DNAH9: variants seen among roughly 807,000 people sequenced by gnomAD.
DNAH9 encodes DNAH9 variant protein.
A neutral mutation model predicts 471.6 loss-of-function variants in DNAH9; 345 were observed. The observed-to-expected ratio is 0.73, with a 90% CI of 0.67 to 0.80. The LOEUF (loss-of-function observed/expected upper bound fraction) is 0.80. DNAH9 is among the 30% of genes least tolerant of loss of function. The pLI, the probability that DNAH9 is intolerant of heterozygous loss-of-function variation, is 0.00. For synonymous variants in DNAH9, 2,093 were observed against 2,123.6 expected, an observed-to-expected ratio of 0.99 and a Z score of 0.40; for missense variants, 5,407 against 5,609.2, an observed-to-expected ratio of 0.96 and a Z score of 1.15.
chr17:11,778,329 C>CAAAAAAAAAAAAAAAAAAAAAAA (rs57983162), intron 38 of DNAH9, among the ~76,000 whole-genome samples: 1 of 48,638 alleles, frequency 2.1e-5, no homozygotes, highest in Non-Finnish European at 4.6e-5. Context: ...GACTCCATCT[C>CAAAAAAAAAAAAAAAAAAAAAAA]AAAAAAAAAA....
chr17:11,769,352 G>C, intron 38 of DNAH9, 23 bp downstream of exon 38: 1 of 1,588,550 alleles, frequency 6.3e-7, no homozygotes, highest in Non-Finnish European at 8.6e-7. Flanking sequence ...GGGCACCTGG[G>C]GTGGGGGGCA....
intron 60 of DNAH9, 152 bp downstream of exon 60, chr17:11,903,064 GGC>G (rs1383683636): frequency 6.0e-6 from 5 of 839,884 alleles, no homozygotes; most frequent in Non-Finnish European, 8.9e-6. Flanking sequence ...AAACAGGCCA[GGC>G]GCGGTGGCTC....
chr17:11,779,457 C>CT (rs1287577418), intron 38 of DNAH9, among the ~76,000 whole-genome samples: 1 of 152,134 alleles, frequency 6.6e-6, no homozygotes, highest in Non-Finnish European at 1.5e-5. Context: ...CTGGTGGACC[C>CT]TTTCTTTCTC....
chr17:11,880,158 T>A lies in DNAH9; in HGVS notation c.10559T>A (p.Val3520Asp). ...AATCTAGAGGAGTCCATTGATCCTGTTCTGGGACCCCTGCTTGGGAGAGAA... is the reference window on the plus strand; with the variant it reads ...AATCTAGAGGAGTCCATTGATCCTGATCTGGGACCCCTGCTTGGGAGAGAA... ...IENLEESIDP[V>D]LGPLLGREVI... The change falls in exon 54 of 69, where the codon GTT (valine) becomes GAT (aspartate). Residue 3520 changes from valine to aspartate, a missense_variant. Coordinates refer to ENST00000262442, the MANE Select transcript of DNAH9 (RefSeq NM_001372.4). The A allele has an allele frequency of 6.2e-7, 1 of 1,613,946 alleles. No individual in the cohort carries two copies. The highest frequency in any genetic ancestry group is 8.5e-7 in the Non-Finnish European group (1 of 1,179,902).
intron 67 of DNAH9, among the ~76,000 whole-genome samples, chr17:11,953,211 C>A (rs1458251291): frequency 6.6e-6 from 1 of 152,116 alleles, no homozygotes; most frequent in Non-Finnish European, 1.5e-5. Context: ...TCTCACCTGT[C>A]CACCCTGCAG....
chr17:11,858,744 A>T (rs1231725922), intron 50 of DNAH9, among the ~76,000 whole-genome samples: 1 of 152,226 alleles, frequency 6.6e-6, no homozygotes, highest in Non-Finnish European at 1.5e-5. Context: ...ATATAGTTAC[A>T]GTAACCAGTT....
chr17:11,814,140 A>C (rs796090131), intron 45 of DNAH9, among the ~76,000 whole-genome samples: 18 of 152,252 alleles, frequency 1.2e-4, no homozygotes, highest in African/African-American at 4.1e-4. Context: ...TGATCATCAA[A>C]CCCAGGCATT....
intron 36 of DNAH9, among the ~76,000 whole-genome samples, chr17:11,764,838 CAT>C (rs1967863999): frequency 6.6e-6 from 1 of 152,120 alleles, no homozygotes; most frequent in African/African-American, 2.4e-5. Flanking sequence ...TAGGTTTATG[CAT>C]AGATTGTGGC....
chr17:11,834,723 T>C lies in DNAH9; in HGVS notation c.9332T>C (p.Val3111Ala), dbSNP rs979965132. ...NEDADKLIQV[V>A]GVETDKVSRE... is the part of the protein sequence containing the mutation. The stretch of plus-strand genomic sequence containing the variant: ...GATGCAGACAAACTGATTCAGGTCG[T>C]GGGTGTGGAGACTGACAAAGTGAGC... The change falls in exon 49 of 69, where the codon GTG becomes GCG. Residue 3111 changes from valine (V) to alanine (A), a missense_variant. Coordinates refer to ENST00000262442, the MANE Select transcript of DNAH9 (RefSeq NM_001372.4). 1 of 1,613,952 alleles carries C rather than the reference T, an allele frequency of 6.2e-7. No homozygotes were observed. Among genetic ancestry groups the C allele is most frequent in the Non-Finnish European group, 8.5e-7 (1 of 1,180,004 alleles).
At chr17:11,638,980 G>A (rs1399779843) in intron 9 of DNAH9, among the ~76,000 whole-genome samples, 1 of 152,184 alleles carries the variant, frequency 6.6e-6, no homozygotes, top group Non-Finnish European at 1.5e-5. Flanking sequence ...GCAACAGGAC[G>A]TTAAATCCTC....
chr17:11,838,932 A>G (rs996507597), intron 49 of DNAH9, among the ~76,000 whole-genome samples: 1 of 152,156 alleles, frequency 6.6e-6, no homozygotes, highest in African/African-American at 2.4e-5. Context: ...GTTAGCAATA[A>G]ATCTTTAGCT....
At chr17:11,714,017 A>T (rs557634674) in intron 26 of DNAH9, among the ~76,000 whole-genome samples, 118 of 152,230 alleles carry the variant, frequency 7.8e-4, no homozygotes, top group Non-Finnish European at 1.5e-3. Flanking sequence ...GCACTGGATG[A>T]TGAAGAATCT....
chr17:11,750,019 T>G (rs990181786), intron 32 of DNAH9, among the ~76,000 whole-genome samples: 1 of 152,188 alleles, frequency 6.6e-6, no homozygotes, highest in Non-Finnish European at 1.5e-5. Flanking sequence ...AAGTCTGAAT[T>G]CTAGTTAAAA....
intron 67 of DNAH9, among the ~76,000 whole-genome samples, chr17:11,949,371 G>C (rs1200353173): frequency 1.3e-5 from 2 of 152,198 alleles, no homozygotes; most frequent in African/African-American, 4.8e-5. Flanking sequence ...CTCTTGACCT[G>C]TGAGCAAGTG....
Position 11,679,868 on chromosome 17 carries a change from T to C in DNAH9, c.3465T>C (p.Val1155=). ...LVEIMGHLMA[V]KERQSNTDEM... ...AGATCATGGGACACCTTATGGCTGT[T>C]AAAGAACGGCAGAGTAACACTGATG... The change falls in exon 18 of 69, where the codon GTT becomes GTC. Residue 1155 remains valine (V), a synonymous_variant. Coordinates refer to ENST00000262442, the MANE Select transcript of DNAH9 (RefSeq NM_001372.4). The C allele has an allele frequency of 6.2e-7, 1 of 1,614,104 alleles. No individual in the cohort carries two copies. The highest frequency in any genetic ancestry group is 8.5e-7 in the Non-Finnish European group (1 of 1,179,982).
chr17:11,765,737 A>G (rs2150872582), intron 36 of DNAH9, among the ~76,000 whole-genome samples: 1 of 152,236 alleles, frequency 6.6e-6, no homozygotes. Context: ...ACAGCTTTAC[A>G]TTTCCCCTTT....
chr17:11,902,643 C>A, intron 59 of DNAH9, 76 bp from the exon 60 acceptor site: 7 of 1,307,880 alleles, frequency 5.4e-6, no homozygotes, highest in Non-Finnish European at 7.5e-6. Context: ...GACCATCTGG[C>A]CCCTCAATCC....
chr17:11,772,903 A>C (rs74465418), intron 38 of DNAH9, among the ~76,000 whole-genome samples: 2,624 of 152,342 alleles, frequency 0.017, 80 homozygotes, highest in African/African-American at 0.06. Flanking sequence ...AAAATGCTGT[A>C]TTCCCTTATG....
In DNAH9 at chr17:11,705,138, G is replaced by A. The variant is rs144520839; in HGVS notation, c.5505G>A (p.Glu1835=). 4 of 1,614,006 alleles carry A rather than the reference G, an allele frequency of 2.5e-6. No homozygotes were observed. Among genetic ancestry groups the A allele is most frequent in the Non-Finnish European group, 3.4e-6 (4 of 1,180,002 alleles). Residue 1835 remains glutamate (E), a synonymous_variant, in exon 26 of 69, where the codon GAG becomes GAA. Transcript: ENST00000262442. The stretch of plus-strand genomic sequence containing the variant: ...ATGCCCAGTTTTTGTATTCCTATGA[G>A]TACCTGGGAAACACACCTCGCTTGG... ...ICDAQFLYSY[E]YLGNTPRLVI...
Sources: allele counts gnomAD v4.1 joint callset (sites outside exome capture counted in the v4.1 genomes callset), GRCh38; gene constraint gnomAD v4.1.1; transcripts MANE v1.5; gene names NCBI Gene and HGNC (gene_info 2026-07-23, HGNC 2026-07-21).